The following LRBA variants were observed in gnomAD, a reference collection of about 807,000 sequenced individuals.
The protein encoded by LRBA is lipopolysaccharide-responsive and beige-like anchor protein.
In LRBA, 176 loss-of-function variants were observed where a neutral mutation model predicts 330.0. The observed-to-expected ratio is 0.53, with a 90% confidence interval of 0.47 to 0.60. The LOEUF is 0.60. Ranked by LOEUF, LRBA falls within the 20% of genes least tolerant of loss-of-function variation. LRBA has a pLI of 0.00. For synonymous variants in LRBA, 1,230 were observed against 1,193.0 expected (o/e 1.03, Z -0.64); for missense variants, 3,259 against 3,444.8 (o/e 0.95, Z 1.35).
chr4:150,447,573 G>T (rs1428975564), intron 44 of LRBA, among the ~76,000 whole-genome samples: 7 of 152,094 alleles, frequency 4.6e-5, no homozygotes, highest in African/African-American at 1.7e-4. Flanking sequence ...CCTGCAGATG[G>T]CAGACTGTGG....
At chr4:150,529,367 A>G (rs1217219230) in intron 40 of LRBA, among the ~76,000 whole-genome samples, 7 of 152,168 alleles carry the variant, frequency 4.6e-5, no homozygotes, top group African/African-American at 1.7e-4. Flanking sequence ...GAGTGGTAAC[A>G]GGAGTGGGGA....
At chr4:150,595,374 G>T (rs1255204524) in intron 38 of LRBA, among the ~76,000 whole-genome samples, 2 of 151,904 alleles carry the variant, frequency 1.3e-5, no homozygotes, top group Non-Finnish European at 1.5e-5. Context: ...CATTATTGAA[G>T]TTATGAGACA....
At chr4:150,314,798 T>G (rs1731502636) in intron 51 of LRBA, 1 of 152,098 alleles carries the variant, frequency 6.6e-6, no homozygotes, top group Non-Finnish European at 1.5e-5. Flanking sequence ...AAACTAGAGA[T>G]TTCGACTAAT....
At chr4:150,942,689 C>T (rs1205699677) in intron 2 of LRBA, among the ~76,000 whole-genome samples, 1 of 152,162 alleles carries the variant, frequency 6.6e-6, no homozygotes, top group South Asian at 2.1e-4. Flanking sequence ...TCCATTTCTA[C>T]TATCATAACT....
chr4:150,777,608 G>C (rs1265934621), intron 34 of LRBA, among the ~76,000 whole-genome samples: 1 of 152,086 alleles, frequency 6.6e-6, no homozygotes, highest in Non-Finnish European at 1.5e-5. Context: ...GAAAGCCAGG[G>C]AGGATAGCTC....
intron 52 of LRBA, among the ~76,000 whole-genome samples, chr4:150,306,317 T>G (rs1356633779): frequency 6.6e-6 from 1 of 152,228 alleles, no homozygotes; most frequent in East Asian, 1.9e-4. Context: ...ATAATTGAAT[T>G]TAACACTTGT....
chr4:150,713,160 T>G (rs1163046597), intron 36 of LRBA, among the ~76,000 whole-genome samples: 2 of 152,106 alleles, frequency 1.3e-5, no homozygotes, highest in African/African-American at 4.8e-5. Context: ...GGTCTCAAAC[T>G]GCTGGGGTCA....
At chr4:150,552,677 G>A (rs529245246) in intron 40 of LRBA, among the ~76,000 whole-genome samples, 2 of 152,214 alleles carry the variant, frequency 1.3e-5, no homozygotes, top group East Asian at 1.9e-4. Context: ...AAATCATGCT[G>A]ATATAAAGAC....
At chr4:150,758,954 TC>T (rs1276787043) in intron 35 of LRBA, among the ~76,000 whole-genome samples, 3 of 151,166 alleles carry the variant, frequency 2.0e-5, no homozygotes, top group African/African-American at 7.3e-5. Flanking sequence ...TTGCTCTATC[TC>T]CCAGGCTACA....
At chr4:150,360,021 T>C (rs1233190987) in intron 47 of LRBA, among the ~76,000 whole-genome samples, 1 of 151,914 alleles carries the variant, frequency 6.6e-6, no homozygotes, top group Non-Finnish European at 1.5e-5. Flanking sequence ...TGTTCAATAG[T>C]GGAATGCACA....
intron 40 of LRBA, among the ~76,000 whole-genome samples, chr4:150,565,169 G>A (rs531846753): frequency 1.6e-4 from 25 of 152,152 alleles, no homozygotes; most frequent in Non-Finnish European, 2.9e-4. Context: ...GGAATATTAT[G>A]CAGCCACAAA....
chr4:150,943,543 T>C (rs1366621099), intron 2 of LRBA, among the ~76,000 whole-genome samples: 1 of 152,212 alleles, frequency 6.6e-6, no homozygotes, highest in African/African-American at 2.4e-5. Context: ...AAGTCTTAGA[T>C]AGGCAGCTGG....
chr4:150,772,976 G>A lies in LRBA; in HGVS notation c.5581-11129C>T, dbSNP rs989403637. ...CCAATCTCATCTAAAAGCCATAAAC[G>A]GTCACTAGCATGTACCTTTTTGGTT... On this transcript the variant is annotated intron_variant, in intron 34 of 56. Coordinates refer to ENST00000651943, the MANE Select transcript of LRBA (RefSeq NM_001364905.1). Among the ~76,000 whole-genome samples the A allele has an allele frequency of 8.5e-5, 13 of 152,104 alleles. No individual in the cohort carries two copies. The South Asian group carries it at 1.2e-3, about 15-fold the overall frequency.
intron 28 of LRBA, chr4:150,840,891 T>C: frequency 1.9e-6 from 2 of 1,040,052 alleles, no homozygotes; most frequent in Non-Finnish European, 2.4e-6. Flanking sequence ...GACTAATTGT[T>C]AATACTTAAT....
chr4:150,651,922 G>T (rs570270555), intron 37 of LRBA, among the ~76,000 whole-genome samples: 1 of 152,194 alleles, frequency 6.6e-6, no homozygotes, highest in South Asian at 2.1e-4. Context: ...GAGTGCACTG[G>T]TGCCTTGATC....
intron 2 of LRBA, among the ~76,000 whole-genome samples, chr4:150,983,810 A>C (rs1467199457): frequency 6.6e-6 from 1 of 152,166 alleles, no homozygotes; most frequent in East Asian, 1.9e-4. Flanking sequence ...TAAGGTAAGA[A>C]TTAGAGACCA....
chr4:150,476,222 G>A (rs1406575076), intron 42 of LRBA, among the ~76,000 whole-genome samples: 2 of 152,108 alleles, frequency 1.3e-5, no homozygotes, highest in Non-Finnish European at 2.9e-5. Context: ...TTTCAGATAT[G>A]GGTGTTTAAA....
intron 49 of LRBA, among the ~76,000 whole-genome samples, chr4:150,322,665 C>T (rs1178099426): frequency 6.6e-6 from 1 of 152,182 alleles, no homozygotes; most frequent in Non-Finnish European, 1.5e-5. Context: ...CCTATTTGCA[C>T]TCTTTGCATA....
chr4:150,792,266 C>T (rs1434618733), intron 34 of LRBA, among the ~76,000 whole-genome samples: 1 of 150,110 alleles, frequency 6.7e-6, no homozygotes, highest in Non-Finnish European at 1.5e-5. Flanking sequence ...CTAACCACTC[C>T]ACTTAAAAGA....
Sources: allele counts gnomAD v4.1 joint callset (sites outside exome capture counted in the v4.1 genomes callset), GRCh38; gene constraint gnomAD v4.1.1; transcripts MANE v1.5; gene names NCBI Gene and HGNC (gene_info 2026-07-23, HGNC 2026-07-21).